Variants in CSMD1 observed in about 807,000 individuals in gnomAD.
The protein encoded by CSMD1 is CUB and sushi domain-containing protein 1.
CSMD1 carries 213 observed loss-of-function variants against 417.5 expected under a neutral mutation model. That is an observed-to-expected ratio of 0.51 (90% CI 0.46 to 0.57). CSMD1 has a LOEUF of 0.57. Ranked by LOEUF, CSMD1 falls within the 20% of genes least tolerant of loss-of-function variation. The pLI, the probability that CSMD1 is intolerant of heterozygous loss-of-function variation, is 0.00. For synonymous variants in CSMD1, 2,862 were observed against 1,736.8 expected (o/e 1.65, Z -16.11); for missense variants, 6,923 against 4,529.7 (o/e 1.53, Z -15.17).
chr8:4,680,358 C>T (rs1805960010), intron 1 of CSMD1, among the ~76,000 whole-genome samples: 1 of 152,230 alleles, frequency 6.6e-6, no homozygotes, highest in Non-Finnish European at 1.5e-5. Context: ...AACCTCGTAT[C>T]TTTCCCTACT....
At chr8:4,593,877 C>T (rs1322714630) in intron 2 of CSMD1, among the ~76,000 whole-genome samples, 1 of 152,138 alleles carries the variant, frequency 6.6e-6, no homozygotes, top group Admixed American at 6.5e-5. Context: ...AACAGACCAG[C>T]TTAAAGCAAC....
intron 2 of CSMD1, among the ~76,000 whole-genome samples, chr8:4,618,763 A>G (rs1801617425): frequency 6.6e-6 from 1 of 152,172 alleles, no homozygotes; most frequent in Non-Finnish European, 1.5e-5. Flanking sequence ...GCCACCTTTC[A>G]GAATCTTGAG....
At chr8:4,304,304 A>C (rs1563421312) in intron 3 of CSMD1, among the ~76,000 whole-genome samples, 1 of 152,236 alleles carries the variant, frequency 6.6e-6, no homozygotes, top group Non-Finnish European at 1.5e-5. Context: ...AATATAGAAT[A>C]TATAGAAGAT....
intron 2 of CSMD1, among the ~76,000 whole-genome samples, chr8:4,488,406 G>A (rs933537785): frequency 6.6e-6 from 1 of 152,076 alleles, no homozygotes; most frequent in African/African-American, 2.4e-5. Context: ...TGGGGGGCTT[G>A]ATCTCGTTGC....
At chr8:3,067,117 C>T (rs940892756) in intron 49 of CSMD1, among the ~76,000 whole-genome samples, 18 of 152,216 alleles carry the variant, frequency 1.2e-4, no homozygotes, top group African/African-American at 3.4e-4. Context: ...AATCAGTCTA[C>T]GGAATGAATG....
chr8:3,232,749 G>A (rs549555607), intron 26 of CSMD1, among the ~76,000 whole-genome samples: 20 of 152,106 alleles, frequency 1.3e-4, no homozygotes, highest in Admixed American at 5.2e-4. Flanking sequence ...CTTAGCTTGT[G>A]TTTTCTATGT....
At chr8:3,655,595 C>G (rs1329282294) in intron 7 of CSMD1, among the ~76,000 whole-genome samples, 2 of 152,012 alleles carry the variant, frequency 1.3e-5, no homozygotes, top group Non-Finnish European at 2.9e-5. Context: ...ATGCCCGTCC[C>G]ACCAGGCCCC....
intron 3 of CSMD1, among the ~76,000 whole-genome samples, chr8:4,348,260 C>G (rs1429812730): frequency 6.6e-6 from 1 of 151,932 alleles, no homozygotes; most frequent in South Asian, 2.1e-4. Flanking sequence ...CTCTTCATGT[C>G]TAAGGGGAAG....
intron 53 of CSMD1, among the ~76,000 whole-genome samples, chr8:2,999,197 C>T (rs1308003421): frequency 6.9e-6 from 1 of 144,974 alleles, no homozygotes; most frequent in East Asian, 2.0e-4. Flanking sequence ...GTCTGTCACC[C>T]AGGCTGGGGT....
intron 3 of CSMD1, among the ~76,000 whole-genome samples, chr8:4,267,342 A>T (rs1804282897): frequency 1.9e-5 from 2 of 104,962 alleles, no homozygotes; most frequent in African/African-American, 5.2e-5. Flanking sequence ...AATTAGGATG[A>T]AAAAGTAACA....
intron 3 of CSMD1, among the ~76,000 whole-genome samples, chr8:4,088,769 C>G (rs1044523647): frequency 6.6e-6 from 1 of 152,106 alleles, no homozygotes; most frequent in Non-Finnish European, 1.5e-5. Context: ...TTCCAACAGC[C>G]TCAGCTCCCA....
intron 25 of CSMD1, among the ~76,000 whole-genome samples, chr8:3,301,567 G>T (rs1358238668): frequency 2.6e-5 from 4 of 152,154 alleles, no homozygotes; most frequent in Non-Finnish European, 5.9e-5. Flanking sequence ...AACTGGAGGT[G>T]AGTCAATGAG....
intron 4 of CSMD1, among the ~76,000 whole-genome samples, chr8:4,013,696 T>C (rs1402118223): frequency 1.3e-5 from 2 of 152,246 alleles, no homozygotes; most frequent in African/African-American, 4.8e-5. Context: ...GTTTTGTTCA[T>C]ATTGTAGCCC....
chr8:4,764,401 T>A (rs886407743), intron 1 of CSMD1, among the ~76,000 whole-genome samples: 42 of 152,202 alleles, frequency 2.8e-4, no homozygotes, highest in African/African-American at 1.0e-3. Flanking sequence ...GGCATATTAC[T>A]TTTTTACAAT....
At chr8:4,371,301 C>G (rs1325028842) in intron 3 of CSMD1, among the ~76,000 whole-genome samples, 1 of 151,950 alleles carries the variant, frequency 6.6e-6, no homozygotes, top group Non-Finnish European at 1.5e-5. Flanking sequence ...GCTGGAGAGG[C>G]CAAGATACTC....
chr8:3,699,016 C>A (rs1563285253), intron 7 of CSMD1, among the ~76,000 whole-genome samples: 1 of 152,170 alleles, frequency 6.6e-6, no homozygotes, highest in East Asian at 1.9e-4. Context: ...CTCCTTGTAC[C>A]CACATCCCAC....
At chr8:3,361,639 A>G (rs1225002764) in intron 20 of CSMD1, among the ~76,000 whole-genome samples, 9 of 135,830 alleles carry the variant, frequency 6.6e-5, no homozygotes, top group Non-Finnish European at 6.3e-5. Flanking sequence ...GCAACAGAGC[A>G]AGATTCCATC....
intron 4 of CSMD1, among the ~76,000 whole-genome samples, chr8:4,030,533 C>A (rs911740049): frequency 5.3e-5 from 8 of 152,180 alleles, no homozygotes; most frequent in Non-Finnish European, 1.0e-4. Flanking sequence ...AGGCTGTACA[C>A]AGCATGGGGA....
chr8:4,626,140 C>G (rs1281896453), intron 2 of CSMD1, among the ~76,000 whole-genome samples: 1 of 152,134 alleles, frequency 6.6e-6, no homozygotes, highest in Non-Finnish European at 1.5e-5. Context: ...GACACTATCT[C>G]CTTTACAAAG....
Sources: gnomAD v4.1 joint callset for allele counts (sites outside exome capture counted in the v4.1 genomes callset) on GRCh38, gnomAD v4.1.1 for gene constraint, MANE v1.5 for transcripts, NCBI Gene and HGNC (gene_info 2026-07-23, HGNC 2026-07-21) for gene names.